The following CHCHD1 variants were observed in gnomAD, a reference collection of about 807,000 sequenced individuals.
CHCHD1 encodes the protein coiled-coil-helix-coiled-coil-helix domain containing 1, also known as small ribosomal subunit protein mS37.
In CHCHD1, 12 loss-of-function variants were observed where a neutral mutation model predicts 12.7. The ratio of observed to expected loss-of-function variants is 0.95; its 90% CI spans 0.61 to 1.53. The LOEUF (loss-of-function observed/expected upper bound fraction) is 1.53, where lower values mean the gene tolerates loss of function less well. Ranked by LOEUF, CHCHD1 falls within the 40% of genes most tolerant of loss-of-function variation. The probability of loss-of-function intolerance (pLI) is 0.00; values close to 1 mark genes in which losing one functional copy is unlikely to be tolerated. For synonymous variants in CHCHD1, 57 were observed against 62.4 expected (o/e 0.91, Z 0.41); for missense variants, 151 against 155.8 (o/e 0.97, Z 0.17).
At position 73,783,123 on chromosome 10, in the gene CHCHD1, G is replaced by A. The variant is rs771781017; in HGVS notation, c.293G>A (p.Ser98Asn). 1 of 1,614,058 alleles carries A rather than the reference G, an allele frequency of 6.2e-7. No homozygotes were observed. Among genetic ancestry groups the A allele is most frequent in the Admixed American group, 1.7e-5 (1 of 60,022 alleles). ...SIQETLGESG[S>N]LLPNKLNKLL... ...CAGGAAACCCTGGGAGAGTCTGGGAGTTTACTTCCAAATAAATTGAATAAG... is the reference window on the plus strand; with the variant it reads ...CAGGAAACCCTGGGAGAGTCTGGGAATTTACTTCCAAATAAATTGAATAAG... The change falls in exon 3 of 3, where the codon AGT (serine) becomes AAT (asparagine). Residue 98 changes from serine to asparagine, a missense_variant. Physicochemically the swap from Ser to Asn is conservative, Grantham distance 46 (BLOSUM62 1). Transcript: ENST00000372833.
At chr10:73,783,003 G>T in intron 2 of CHCHD1, 71 bp from the exon 3 acceptor site, 2 of 1,179,794 alleles carry the variant, frequency 1.7e-6, no homozygotes, top group African/African-American at 1.5e-5. Flanking sequence ...TGGTTTTTTG[G>T]GTCAGATCTT....
In CHCHD1 at chr10:73,782,152, C is replaced by G. The variant is rs2083105050; in HGVS notation, c.77C>G (p.Pro26Arg). 2 of 1,613,760 alleles carry G rather than the reference C, an allele frequency of 1.2e-6. No homozygotes were observed. The highest frequency in any genetic ancestry group is 1.7e-5 in the Admixed American group (1 of 60,006). The stretch of plus-strand genomic sequence containing the variant: ...AAGCCTGTGCTGAAGCCCAATAAAC[C>G]TCTCATTCTAGCTAACCGCGTCGGG... ...PRKPVLKPNK[P>R]LILANRVGER... Residue 26 changes from proline to arginine, a missense_variant, in exon 1 of 3, where the codon CCT (proline) becomes CGT (arginine). By Grantham distance (103) the Pro-to-Arg change is moderately radical. Coordinates refer to ENST00000372833, the MANE Select transcript of CHCHD1 (RefSeq NM_203298.3).
intron 2 of CHCHD1, 47 bp downstream of exon 2, chr10:73,782,488 G>A: frequency 6.2e-7 from 1 of 1,611,064 alleles, no homozygotes; most frequent in Non-Finnish European, 8.5e-7. Context: ...GAATGGGGGA[G>A]ATAGAAGTAA....
Position 73,782,085 on chromosome 10 carries a change from C to G in CHCHD1, c.10C>G (p.Pro4Ala), listed in dbSNP as rs1218361129. MAT[P>A]SLRGRLARFG... is the part of the protein sequence containing the mutation. ...GGGAGCTTGGTGCGCTATGGCGACA[C>G]CCAGCCTGCGGGGTCGTCTGGCGCG... The change falls in exon 1 of 3, where the codon CCC (proline) becomes GCC (alanine). Residue 4 changes from proline (P) to alanine (A), a missense_variant. By Grantham distance (27) the Pro-to-Ala change is conservative (BLOSUM62 -1). Coordinates refer to ENST00000372833, the MANE Select transcript of CHCHD1 (RefSeq NM_203298.3). 5.6e-6 allele frequency: 9 copies of G among 1,613,230 alleles called. No homozygotes were observed. In the East Asian group the frequency reaches 8.9e-5, roughly 16 times the overall value.
At position 73,782,441 on chromosome 10, in the gene CHCHD1, G is replaced by C. The variant is rs758451213; in HGVS notation, c.243G>C (p.Gln81His). 4 of 1,614,208 alleles carry C rather than the reference G, an allele frequency of 2.5e-6. No homozygotes were observed. Among genetic ancestry groups the C allele is most frequent in the Non-Finnish European group, 3.4e-6 (4 of 1,180,032 alleles). ...TCCTCGATTGTGCCGCGAGGGCTCAGGTGACCGATGGCTCCTGGGGTGCTT... is the reference window on the plus strand; with the variant it reads ...TCCTCGATTGTGCCGCGAGGGCTCACGTGACCGATGGCTCCTGGGGTGCTT... ...QGFLDCAARA[Q>H]EARKMRSIQE... The change falls in exon 2 of 3, where the codon CAG (glutamine) becomes CAC (histidine). Residue 81 changes from glutamine (Q) to histidine (H), a missense_variant and splice_region_variant. By Grantham distance (24) the Gln-to-His change is conservative (BLOSUM62 0). Coordinates refer to ENST00000372833, the MANE Select transcript of CHCHD1 (RefSeq NM_203298.3).
rs748674584 is a variant in CHCHD1, at chr10:73,782,362, G to A, written c.164G>A (p.Cys55Tyr). ...ACGGAGATGTCGGTGATGATGGCTT[G>A]CTGGAAGCAGAATGAATTCCGCGAC... ...CITEMSVMMA[C>Y]WKQNEFRDDA... is the part of the protein sequence containing the mutation. Residue 55 changes from cysteine to tyrosine, a missense_variant, in exon 2 of 3, where the codon TGC (cysteine) becomes TAC (tyrosine). By Grantham distance (194) the Cys-to-Tyr change is radical (BLOSUM62 -2). Transcript: ENST00000372833. The A allele has an allele frequency of 6.2e-7, 1 of 1,614,218 alleles. No individual in the cohort carries two copies. The highest frequency in any genetic ancestry group is 2.2e-5 in the East Asian group (1 of 44,892).
Sources: gnomAD v4.1 joint callset for allele counts on GRCh38, gnomAD v4.1.1 for gene constraint, MANE v1.5 for transcripts, NCBI Gene and HGNC (gene_info 2026-07-23, HGNC 2026-07-21) for gene names.